Variants in KLRF1 observed in about 807,000 individuals in gnomAD.
KLRF1 encodes the protein killer cell lectin-like receptor subfamily F member 1.
KLRF1 carries 27 observed loss-of-function variants against 30.7 expected under a neutral mutation model. The observed-to-expected ratio is 0.88, with a 90% CI of 0.65 to 1.21. The LOEUF (loss-of-function observed/expected upper bound fraction) is 1.21, where lower values mean the gene tolerates loss of function less well. Among genes scored for constraint, KLRF1 ranks in the 50% most tolerant of loss-of-function variants. The pLI is 0.00. For missense variants in KLRF1, 246 were observed against 259.3 expected, an observed-to-expected ratio of 0.95 and a Z score of 0.35; for synonymous variants, 92 against 89.3, an observed-to-expected ratio of 1.03 and a Z score of -0.17.
At chr12:9,839,474 A>G (rs1408528281) in intron 3 of KLRF1, among the ~76,000 whole-genome samples, 1 of 152,098 alleles carries the variant, frequency 6.6e-6, no homozygotes, top group African/African-American at 2.4e-5. Flanking sequence ...CAAAAGAGAA[A>G]GATATCAGAT....
At chr12:9,812,170 C>T in the KLRF1 span, among the ~76,000 whole-genome samples, 2 of 151,946 alleles carry the variant, frequency 1.3e-5, no homozygotes, top group Non-Finnish European at 2.9e-5. Flanking sequence ...TCACGACAAT[C>T]CTGGCTAACA....
At chr12:9,816,547 CTT>C in the KLRF1 span, among the ~76,000 whole-genome samples, 5 of 143,610 alleles carry the variant, frequency 3.5e-5, no homozygotes, top group Non-Finnish European at 4.6e-5. Context: ...CAAGTAACTT[CTT>C]TTTTTTTTTT....
chr12:9,817,502 G>A, the KLRF1 span: 1 of 405,992 alleles, frequency 2.5e-6, no homozygotes. Context: ...TTTTTCCAGA[G>A]TACTGTTTTG....
rs956912130 is a variant in KLRF1, at chr12:9,832,565, C to T, written c.184+151C>T. On this transcript the variant is annotated intron_variant, in intron 2 of 5. Coordinates refer to ENST00000617889, the MANE Select transcript of KLRF1 (RefSeq NM_016523.3). Reference sequence around the variant, plus strand: ...TGTAAAGCTCTATTAGTACACTCCACAGTGCTATATTTAATATGCAGTCAA... The same window carrying T: ...TGTAAAGCTCTATTAGTACACTCCATAGTGCTATATTTAATATGCAGTCAA... 2.7e-5 allele frequency: 16 copies of T among 588,464 alleles called. 1 individual carries two copies. The highest frequency in any genetic ancestry group is 4.6e-4 in the Middle Eastern group (1 of 2,180). The allele number at this position is 588,464 out of a possible 1,614,324, so 36.5% of individuals were successfully genotyped here. A position where few individuals can be genotyped will look rare whatever the true frequency, so the allele number is the denominator to read the frequency against.
At chr12:9,838,039 T>A (rs1281901640) in intron 3 of KLRF1, among the ~76,000 whole-genome samples, 1 of 152,048 alleles carries the variant, frequency 6.6e-6, no homozygotes, top group Admixed American at 6.6e-5. Context: ...CTCCGGTAAA[T>A]TGGTGAAACA....
chr12:9,819,938 A>T, the KLRF1 span, among the ~76,000 whole-genome samples: 1 of 152,264 alleles, frequency 6.6e-6, no homozygotes, highest in Admixed American at 6.5e-5. Context: ...AGGGAAAGGC[A>T]GGCTGCCATT....
chr12:9,814,217 G>C, the KLRF1 span, among the ~76,000 whole-genome samples: 1 of 152,132 alleles, frequency 6.6e-6, no homozygotes, highest in Non-Finnish European at 1.5e-5. Flanking sequence ...GAGCCAAAAC[G>C]CAAGCTCCCC....
chr12:9,811,335 A>AAAAAAAAAAG, the KLRF1 span, among the ~76,000 whole-genome samples: 22 of 146,424 alleles, frequency 1.5e-4, no homozygotes, highest in South Asian at 7.0e-4. Context: ...AAAAAAAAAA[A>AAAAAAAAAAG]AGAGAGAAAA....
chr12:9,833,374 G>A lies in KLRF1; in HGVS notation c.256G>A (p.Asp86Asn). 1 of 1,611,824 alleles carries A rather than the reference G, an allele frequency of 6.2e-7. No individual in the cohort carries two copies. The highest frequency in any genetic ancestry group is 8.5e-7 in the Non-Finnish European group (1 of 1,178,858). Residue 86 changes from aspartate to asparagine, a missense_variant, in exon 3 of 6, where the codon GAT becomes AAT. Transcript: ENST00000617889. Reference protein sequence around the residue: ...SNATQYEDTGDLKVNNGTRRN... With the variant: ...SNATQYEDTGNLKVNNGTRRN... ...TGCCACTCAGTATGAGGACACTGGA[G>A]ATCTAAAAGTGAATAATGGCACAAG...
chr12:9,833,302 G>GT lies in KLRF1; in HGVS notation c.187dup (p.Ser63PhefsTer20). On this transcript the variant is annotated frameshift_variant and splice_region_variant. Transcript: ENST00000617889. LOFTEE classifies it high-confidence loss of function. ...AACCTTAAAATAGTCCTGTATTCAA[G>GT]TTTCTCAGGGAGTATTGCTAAAATG... 1 of 1,588,300 alleles carries GT rather than the reference G, an allele frequency of 6.3e-7. No homozygotes were observed. Among genetic ancestry groups the GT allele is most frequent in the South Asian group, 1.2e-5 (1 of 86,732 alleles).
At chr12:9,821,587 C>T in the KLRF1 span, among the ~76,000 whole-genome samples, 514 of 152,088 alleles carry the variant, frequency 3.4e-3, 5 homozygotes, top group African/African-American at 0.012. Context: ...GGTAGAGCCC[C>T]TAGGAGGTAA....
At chr12:9,839,971 T>C (rs1192945478) in intron 3 of KLRF1, among the ~76,000 whole-genome samples, 2 of 152,096 alleles carry the variant, frequency 1.3e-5, no homozygotes, top group Non-Finnish European at 2.9e-5. Flanking sequence ...GATGAAGAGA[T>C]AAACAAAATG....
chr12:9,818,401 G>A, the KLRF1 span, among the ~76,000 whole-genome samples: 1 of 152,182 alleles, frequency 6.6e-6, no homozygotes, highest in African/African-American at 2.4e-5. Flanking sequence ...TGAGCAACTG[G>A]GCAAGTAACT....
chr12:9,832,793 T>G (rs1388287353), intron 2 of KLRF1, among the ~76,000 whole-genome samples: 1 of 152,116 alleles, frequency 6.6e-6, no homozygotes, highest in Non-Finnish European at 1.5e-5. Context: ...ACATTTTATC[T>G]AAGGTTGCAT....
chr12:9,804,964 A>G, the KLRF1 span, among the ~76,000 whole-genome samples: 1 of 152,090 alleles, frequency 6.6e-6, no homozygotes. Flanking sequence ...TCTGAGATAC[A>G]TTCTATTTGA....
At position 9,844,589 on chromosome 12, in the gene KLRF1, T is replaced by C; in HGVS notation, c.*63T>C. ...CTATTTTTGGCCTATTAGTTTCTAA[T>C]ATTAATCTCCAGGTGTAAGATTTTA... On this transcript the variant is annotated 3_prime_UTR_variant, in exon 6 of 6. Coordinates refer to ENST00000617889, the MANE Select transcript of KLRF1 (RefSeq NM_016523.3). 1 of 849,274 alleles carries C rather than the reference T, an allele frequency of 1.2e-6. No homozygotes were observed. 52.6% of individuals were successfully genotyped at this position (849,274 alleles called of 1,614,324 possible).
intron 3 of KLRF1, among the ~76,000 whole-genome samples, chr12:9,835,426 A>T (rs1053758518): frequency 4.6e-5 from 7 of 152,018 alleles, no homozygotes; most frequent in Non-Finnish European, 8.8e-5. Context: ...TTCATGGTAT[A>T]TGAGAAAATG....
At chr12:9,810,193 G>C in the KLRF1 span, among the ~76,000 whole-genome samples, 1 of 152,114 alleles carries the variant, frequency 6.6e-6, no homozygotes, top group Admixed American at 6.5e-5. Flanking sequence ...AATATAACTT[G>C]ATGTTCTCAT....
chr12:9,833,838 A>T (rs1455442703), intron 3 of KLRF1, among the ~76,000 whole-genome samples: 1 of 151,910 alleles, frequency 6.6e-6, no homozygotes, highest in Non-Finnish European at 1.5e-5. Flanking sequence ...TTAGACTTTT[A>T]AGCTTAGAAA....
Sources: gnomAD v4.1 joint callset for allele counts (sites outside exome capture counted in the v4.1 genomes callset) on GRCh38, gnomAD v4.1.1 for gene constraint, MANE v1.5 for transcripts, NCBI Gene and HGNC (gene_info 2026-07-23, HGNC 2026-07-21) for gene names.